ASPH: variants seen among roughly 807,000 people sequenced by gnomAD.
ASPH encodes aspartate beta-hydroxylase.
Under a neutral mutation model 118.4 loss-of-function variants are expected in ASPH, and 100 were observed. That is an observed-to-expected ratio of 0.84 (90% CI 0.72 to 1.00). ASPH has a LOEUF of 1.00. Ranked by LOEUF, ASPH falls within the 50% of genes least tolerant of loss-of-function variation. The probability of loss-of-function intolerance (pLI) is 0.00; values close to 1 mark genes in which losing one functional copy is unlikely to be tolerated. For synonymous variants in ASPH, 315 were observed against 325.6 expected, an observed-to-expected ratio of 0.97 and a Z score of 0.35; for missense variants, 920 against 919.5, an observed-to-expected ratio of 1.00 and a Z score of -0.01.
At chr8:61,579,729 G>A in intron 15 of ASPH, 1 of 914,880 alleles carries the variant, frequency 1.1e-6, no homozygotes, top group South Asian at 1.3e-5. Context: ...AGCCTGAGAA[G>A]GAGGCCACTA....
intron 3 of ASPH, chr8:61,661,029 G>A (rs1816627855): frequency 6.6e-6 from 1 of 151,966 alleles, no homozygotes; most frequent in Non-Finnish European, 1.5e-5. Context: ...TTTTTTTCTA[G>A]CCTTCATATC....
At chr8:61,529,276 C>T (rs763151874) in intron 21 of ASPH, among the ~76,000 whole-genome samples, 1 of 152,104 alleles carries the variant, frequency 6.6e-6, no homozygotes, top group Non-Finnish European at 1.5e-5. Context: ...TGCGAGGTAC[C>T]CCAGCCTCCT....
At chr8:61,618,835 T>C (rs1029463563) in intron 14 of ASPH, 143 bp downstream of exon 14, 5 of 666,146 alleles carry the variant, frequency 7.5e-6, no homozygotes, top group East Asian at 5.8e-5. Context: ...TAAGTGTTCT[T>C]TGATAAATCA....
intron 10 of ASPH, among the ~76,000 whole-genome samples, chr8:61,641,106 T>C (rs1334436680): frequency 1.3e-5 from 2 of 152,216 alleles, no homozygotes; most frequent in African/African-American, 4.8e-5. Context: ...ATGTTCTATA[T>C]AACAAAGAAA....
intron 3 of ASPH, chr8:61,665,168 A>G: frequency 6.6e-7 from 1 of 1,514,074 alleles, no homozygotes; most frequent in South Asian, 1.4e-5. Flanking sequence ...CACCAATCAG[A>G]GCAATATTAC....
intron 14 of ASPH, among the ~76,000 whole-genome samples, chr8:61,598,574 A>C (rs985750813): frequency 1.3e-5 from 2 of 152,226 alleles, no homozygotes; most frequent in Non-Finnish European, 2.9e-5. Context: ...TGAGTATTGG[A>C]CAGATCAGCT....
intron 13 of ASPH, among the ~76,000 whole-genome samples, chr8:61,620,812 A>C (rs921135489): frequency 3.9e-5 from 6 of 152,232 alleles, no homozygotes; most frequent in African/African-American, 1.4e-4. Context: ...CGTAAAATGC[A>C]AGTTTCTAAC....
At chr8:61,607,044 A>G (rs1845787012) in intron 14 of ASPH, 3 of 455,122 alleles carry the variant, frequency 6.6e-6, no homozygotes. Context: ...GCAGTGTGTC[A>G]TTTCCTCCTT....
At chr8:61,554,638 T>C (rs1162600112) in intron 19 of ASPH, among the ~76,000 whole-genome samples, 3 of 152,246 alleles carry the variant, frequency 2.0e-5, no homozygotes, top group African/African-American at 4.8e-5. Context: ...GGCCATCATA[T>C]TGGAGAACAC....
intron 1 of ASPH, chr8:61,689,753 A>C: frequency 6.5e-7 from 1 of 1,537,538 alleles, no homozygotes; most frequent in African/African-American, 1.4e-5. Flanking sequence ...AAAAACTCAA[A>C]AGTACTGCTG....
chr8:61,707,325 G>A (rs2151909861), intron 1 of ASPH, among the ~76,000 whole-genome samples: 1 of 151,978 alleles, frequency 6.6e-6, no homozygotes, highest in South Asian at 2.1e-4. Flanking sequence ...CAATTCAAAG[G>A]AGGAAACACA....
intron 3 of ASPH, chr8:61,663,052 G>A (rs1817720982): frequency 3.0e-6 from 3 of 985,270 alleles, no homozygotes; most frequent in Middle Eastern, 5.2e-4. Context: ...AGTGAAGACA[G>A]CACTTAAAAT....
At chr8:61,670,386 GTTAC>G (rs1821838656) in intron 3 of ASPH, among the ~76,000 whole-genome samples, 3 of 151,808 alleles carry the variant, frequency 2.0e-5, no homozygotes, top group South Asian at 4.2e-4. Context: ...ATTTTATTAT[GTTAC>G]TTACTAAATA....
chr8:61,665,738 T>C, intron 3 of ASPH: 1 of 934,768 alleles, frequency 1.1e-6, no homozygotes, highest in South Asian at 2.4e-5. Context: ...GAAAGTTACT[T>C]TAATTCACTA....
At chr8:61,601,541 A>T (rs1356083328) in intron 14 of ASPH, among the ~76,000 whole-genome samples, 2 of 150,414 alleles carry the variant, frequency 1.3e-5, no homozygotes, top group African/African-American at 5.0e-5. Context: ...CTCCATCTCA[A>T]AAAAAGAGAG....
chr8:61,706,162 C>G (rs891040481), intron 1 of ASPH, among the ~76,000 whole-genome samples: 1 of 150,688 alleles, frequency 6.6e-6, no homozygotes, highest in African/African-American at 2.4e-5. Flanking sequence ...AGGGCTCACA[C>G]CTGTAATCCC....
At chr8:61,603,000 C>G (rs1388802693) in intron 14 of ASPH, among the ~76,000 whole-genome samples, 2 of 151,870 alleles carry the variant, frequency 1.3e-5, no homozygotes, top group East Asian at 3.9e-4. Flanking sequence ...CGAGACCAGT[C>G]TGGCCAACAT....
rs1805183172 is a variant in ASPH at position 61,502,926 on chromosome 8, A to T, written c.*433T>A. The stretch of plus-strand genomic sequence containing the variant: ...TACAGCTTGTCATTAAAATAAACAA[A>T]AATGTAGTGGTACATGATGACAAAA... On this transcript the variant is annotated 3_prime_UTR_variant, in exon 25 of 25. Coordinates refer to ENST00000379454, the MANE Select transcript of ASPH (RefSeq NM_004318.4). The T allele has an allele frequency of 6.5e-6, 1 of 152,990 alleles. No homozygotes were observed. The highest frequency in any genetic ancestry group is 2.1e-4 in the South Asian group (1 of 4,838). The allele number at this position is 152,990 out of a possible 1,614,324, so 9.5% of individuals were successfully genotyped here.
chr8:61,530,721 T>C (rs1817257911), intron 21 of ASPH, among the ~76,000 whole-genome samples: 1 of 152,218 alleles, frequency 6.6e-6, no homozygotes, highest in South Asian at 2.1e-4. Flanking sequence ...AAAATACACA[T>C]TTTTTAAAGT....
Sources: gnomAD v4.1 joint callset for allele counts (sites outside exome capture counted in the v4.1 genomes callset) on GRCh38, gnomAD v4.1.1 for gene constraint, MANE v1.5 for transcripts, NCBI Gene and HGNC (gene_info 2026-07-23, HGNC 2026-07-21) for gene names.